USP6NL: variants seen among roughly 807,000 people sequenced by gnomAD.
The protein encoded by USP6NL is USP6 N-terminal like, also known as USP6 N-terminal-like protein.
A neutral mutation model predicts 61.9 loss-of-function variants in USP6NL; 26 were observed. The observed-to-expected ratio is 0.42, with a 90% confidence interval of 0.31 to 0.58. The LOEUF is 0.58. USP6NL is among the 20% of genes least tolerant of loss of function. The probability of loss-of-function intolerance (pLI) is 0.16; values close to 1 mark genes in which losing one functional copy is unlikely to be tolerated. For synonymous variants in USP6NL, 432 were observed against 390.1 expected (o/e 1.11, Z -1.27); for missense variants, 1,114 against 1,034.3 (o/e 1.08, Z -1.06).
At position 11,602,042 on chromosome 10, in the gene USP6NL, A is replaced by AATAT. The variant is rs1464688900; in HGVS notation, c.-83-4329_-83-4326dup. On this transcript the variant is annotated intron_variant, in intron 1 of 14. Transcript: ENST00000609104. The surrounding 1 kb of genome is among the most constrained non-coding windows in gnomAD (Gnocchi z 4.8). Reference sequence around the variant, plus strand: ...TCATTGATGTATTATTTGTAATAGCAATATATATACATACATATACATACA... The same window carrying AATAT: ...TCATTGATGTATTATTTGTAATAGCAATATATATATATACATACATATACATACA... Among the ~76,000 whole-genome samples the AATAT allele has an allele frequency of 6.6e-6, 1 of 152,220 alleles. No individual in the cohort carries two copies. The highest frequency in any genetic ancestry group is 2.4e-5 in the African/African-American group (1 of 41,456).
At chr10:11,492,150 T>C (rs1282636429) in intron 8 of USP6NL, among the ~76,000 whole-genome samples, 3 of 152,190 alleles carry the variant, frequency 2.0e-5, no homozygotes, top group Non-Finnish European at 4.4e-5. Flanking sequence ...AATTAGCACA[T>C]TTCAGCTGTG....
At chr10:11,531,682 A>C (rs989397368) in intron 2 of USP6NL, among the ~76,000 whole-genome samples, 13 of 152,054 alleles carry the variant, frequency 8.5e-5, no homozygotes, top group Non-Finnish European at 1.8e-4. Context: ...AAAAAAAAAA[A>C]AACTACATTA....
Position 11,532,413 on chromosome 10 carries a change from G to T in USP6NL, c.5-4846C>A, listed in dbSNP as rs1835695988. ...GAAGAAAAAGTTTGAGATGCACTCT[G>T]TCTTCTTCTAAGGGAGAAAAAAACC... On this transcript the variant is annotated intron_variant, in intron 2 of 14. Coordinates refer to ENST00000609104, the MANE Select transcript of USP6NL (RefSeq NM_014688.5). The surrounding 1 kb of genome is among the most constrained non-coding windows in gnomAD (Gnocchi z 4.1). The T allele has an allele frequency of 1.9e-6, 1 of 529,472 alleles. No individual in the cohort carries two copies. The highest frequency in any genetic ancestry group is 3.3e-6 in the Non-Finnish European group (1 of 303,888). The allele number at this position is 529,472 out of a possible 1,614,324, so 32.8% of individuals were successfully genotyped here.
chr10:11,486,629 T>A lies in USP6NL; in HGVS notation c.665-718A>T, dbSNP rs539594885. Among the ~76,000 whole-genome samples the A allele has an allele frequency of 1.5e-4, 23 of 152,356 alleles. 1 individual carries two copies. In the East Asian group the frequency reaches 4.2e-3, roughly 28 times the overall value. ...GTCCACTCAACAGACTTGATGATTC[T>A]TCTACATTAGGATCCAACCTGGGTT... On this transcript the variant is annotated intron_variant, in intron 10 of 14. Transcript: ENST00000609104.
At position 11,602,070 on chromosome 10, in the gene USP6NL, T is replaced by C. The variant is rs73570827; in HGVS notation, c.-83-4353A>G. 0.031 allele frequency among the ~76,000 whole-genome samples: 4,725 copies of C among 151,758 alleles called. 84 individuals carry two copies. The highest frequency in any genetic ancestry group is 0.067 in the South Asian group (324 of 4,808). ...ATATATACATACATATACATACATA[T>C]ACACACACACACACGTCCAAATAAC... On this transcript the variant is annotated intron_variant, in intron 1 of 14. Coordinates refer to ENST00000609104, the MANE Select transcript of USP6NL (RefSeq NM_014688.5). The surrounding 1 kb of genome is among the most constrained non-coding windows in gnomAD (Gnocchi z 4.8).
rs1832701382 is a variant in USP6NL, at chr10:11,470,671, G to A, written c.1079-6822C>T. 6.6e-6 allele frequency among the ~76,000 whole-genome samples: 1 copy of A among 152,114 alleles called. No homozygotes were observed. Among genetic ancestry groups the A allele is most frequent in the South Asian group, 2.1e-4 (1 of 4,828 alleles). On this transcript the variant is annotated intron_variant, in intron 14 of 14. Transcript: ENST00000609104. The surrounding 1 kb of genome is among the most constrained non-coding windows in gnomAD (Gnocchi z 5.4). ...CACAAACACTGCTCTACTTGTCTTT[G>A]GTTTAAATATCTCCTTTCACCCCTA...
intron 1 of USP6NL, among the ~76,000 whole-genome samples, chr10:11,607,214 A>C (rs1179635320): frequency 6.6e-6 from 1 of 152,194 alleles, no homozygotes; most frequent in Non-Finnish European, 1.5e-5. Context: ...AACTTTTATA[A>C]ATTTTAGCCT....
intron 6 of USP6NL, among the ~76,000 whole-genome samples, chr10:11,502,746 TTTA>T (rs1246037124): frequency 2.0e-5 from 3 of 152,188 alleles, no homozygotes; most frequent in African/African-American, 7.2e-5. Flanking sequence ...ATGAACAACT[TTTA>T]TTATAAAACA....
intron 2 of USP6NL, among the ~76,000 whole-genome samples, chr10:11,538,861 G>A (rs1010719187): frequency 5.9e-5 from 9 of 152,266 alleles, no homozygotes; most frequent in East Asian, 3.9e-4. Flanking sequence ...TGAAGTGCTC[G>A]AGAGACTCAT....
intron 1 of USP6NL, among the ~76,000 whole-genome samples, chr10:11,608,325 C>G (rs1838773006): frequency 6.6e-6 from 1 of 152,172 alleles, no homozygotes; most frequent in African/African-American, 2.4e-5. Flanking sequence ...AATGACTTCC[C>G]TTCTCTAATG....
chr10:11,534,470 T>A (rs1489140155), intron 2 of USP6NL, among the ~76,000 whole-genome samples: 1 of 152,234 alleles, frequency 6.6e-6, no homozygotes, highest in Admixed American at 6.5e-5. Flanking sequence ...GAGCAACCTG[T>A]CTACATTAGA....
Position 11,494,866 on chromosome 10 carries a change from G to T in USP6NL, c.385-1638C>A, listed in dbSNP as rs188435180. On this transcript the variant is annotated intron_variant, in intron 7 of 14. Transcript: ENST00000609104. ...AGGATGGAACATGAAGGCGGACTAG[G>T]AGCATGACCACCGAAGCACAGCATC... is the stretch of plus-strand genomic sequence containing the variant. Among the ~76,000 whole-genome samples, 59 of 152,236 alleles carry T rather than the reference G, an allele frequency of 3.9e-4. No individual in the cohort carries two copies. In the East Asian group the frequency reaches 6.9e-3, roughly 18 times the overall value.
Position 11,532,838 on chromosome 10 carries a change from T to C in USP6NL, c.5-5271A>G, listed in dbSNP as rs1212627245. The stretch of plus-strand genomic sequence containing the variant: ...CAAAATACATGCTAAAGTAGTGGTT[T>C]TGGACGTTTTTAACAAACCACACAC... On this transcript the variant is annotated intron_variant, in intron 2 of 14. Transcript: ENST00000609104. This position sits in a 1 kb window ranked among gnomAD's most constrained non-coding sequence, Gnocchi z 4.1. Among the ~76,000 whole-genome samples the C allele has an allele frequency of 6.6e-6, 1 of 152,204 alleles. No homozygotes were observed. Among genetic ancestry groups the C allele is most frequent in the Non-Finnish European group, 1.5e-5 (1 of 68,044 alleles).
intron 14 of USP6NL, among the ~76,000 whole-genome samples, chr10:11,472,881 T>A (rs1313727233): frequency 2.6e-5 from 4 of 152,200 alleles, no homozygotes; most frequent in Non-Finnish European, 5.9e-5. Context: ...TGTAAACACA[T>A]CTCTCACTAT....
At chr10:11,542,681 T>C (rs1040890766) in intron 2 of USP6NL, among the ~76,000 whole-genome samples, 1 of 152,160 alleles carries the variant, frequency 6.6e-6, no homozygotes, top group Non-Finnish European at 1.5e-5. Context: ...ATCAGGCCAC[T>C]GCACTCCAGC....
chr10:11,497,709 T>C (rs902644321), intron 7 of USP6NL, among the ~76,000 whole-genome samples: 1 of 152,154 alleles, frequency 6.6e-6, no homozygotes, highest in African/African-American at 2.4e-5. Context: ...GTCAGAAATA[T>C]TATTTATGTC....
chr10:11,499,434 C>T lies in USP6NL; in HGVS notation c.384+1667G>A. 6.6e-6 allele frequency among the ~76,000 whole-genome samples: 1 copy of T among 152,150 alleles called. No individual in the cohort carries two copies. Among genetic ancestry groups the T allele is most frequent in the East Asian group, 1.9e-4 (1 of 5,204 alleles). ...TAACTGAAAATTAGAGTACTATTAGCAGGCAAGCTGGGATGAATAGTGTCC... is the reference window on the plus strand; with the variant it reads ...TAACTGAAAATTAGAGTACTATTAGTAGGCAAGCTGGGATGAATAGTGTCC... On this transcript the variant is annotated intron_variant, in intron 7 of 14. Transcript: ENST00000609104. The surrounding 1 kb of genome is among the most constrained non-coding windows in gnomAD (Gnocchi z 4.5).
chr10:11,468,930 C>T lies in USP6NL; in HGVS notation c.1079-5081G>A, dbSNP rs545212384. Among the ~76,000 whole-genome samples, 1 of 152,076 alleles carries T rather than the reference C, an allele frequency of 6.6e-6. No individual in the cohort carries two copies. The highest frequency in any genetic ancestry group is 2.4e-5 in the African/African-American group (1 of 41,388). ...AATGCAAAGGTATGTGTCATACATA[C>T]GTAGGAGATTTAATTTTTTAATATA... is the stretch of plus-strand genomic sequence containing the variant. On this transcript the variant is annotated intron_variant, in intron 14 of 14. Transcript: ENST00000609104. This position sits in a 1 kb window ranked among gnomAD's most constrained non-coding sequence, Gnocchi z 4.5.
rs1379963132 is a variant in USP6NL, at chr10:11,461,642, C to CTAAGACCAATCTCT, written c.*785_*798dup. The CTAAGACCAATCTCT allele has an allele frequency of 6.6e-6, 1 of 152,254 alleles. No individual in the cohort carries two copies. 9.4% of individuals were successfully genotyped at this position (152,254 alleles called of 1,614,324 possible). On this transcript the variant is annotated 3_prime_UTR_variant, in exon 15 of 15. Coordinates refer to ENST00000609104, the MANE Select transcript of USP6NL (RefSeq NM_014688.5). ...GACCAGAACAAAGGGCACAAACGCA[C>CTAAGACCAATCTCT]TAAGACCAATCTCTTAGTATGTGGA...
Sources: gnomAD v4.1 joint callset for allele counts (sites outside exome capture counted in the v4.1 genomes callset) on GRCh38, gnomAD v4.1.1 for gene constraint, Gnocchi (gnomAD v3.1) non-coding constraint, MANE v1.5 for transcripts, NCBI Gene and HGNC (gene_info 2026-07-23, HGNC 2026-07-21) for gene names.